Variants in WNK1 observed in about 807,000 individuals in gnomAD.
The protein encoded by WNK1 is serine/threonine-protein kinase WNK1.
WNK1 carries 38 observed loss-of-function variants against 222.8 expected under a neutral mutation model. The ratio of observed to expected loss-of-function variants is 0.17; its 90% CI spans 0.13 to 0.22. The LOEUF is 0.22. Among genes scored for constraint, WNK1 ranks in the 10% least tolerant of loss-of-function variants. The pLI is 1.00. For synonymous variants in WNK1, 1,090 were observed against 1,092.9 expected (o/e 1.00, Z 0.05); for missense variants, 2,348 against 2,918.4 (o/e 0.80, Z 4.50).
chr12:879,744 C>T lies in WNK1; in HGVS notation c.2545C>T (p.Pro849Ser), dbSNP rs540294135. 6.2e-6 allele frequency: 10 copies of T among 1,614,058 alleles called. No individual in the cohort carries two copies. The highest frequency in any genetic ancestry group is 1.6e-4 in the Middle Eastern group (1 of 6,062). Residue 849 changes from proline to serine, a missense_variant, in exon 11 of 28, where the codon CCT becomes TCT. Coordinates refer to ENST00000315939, the MANE Select transcript of WNK1 (RefSeq NM_018979.4). ...YPVSQIPIST[P>S]HVSTAQTGFS... is the part of the protein sequence containing the mutation. ...TGTCTCTCAGATTCCCATATCAACT[C>T]CTCATGTGTCTACGGCTCAGACAGG...
chr12:909,147 G>A lies in WNK1; in HGVS notation c.*355G>A. On this transcript the variant is annotated 3_prime_UTR_variant, in exon 28 of 28. Coordinates refer to ENST00000315939, the MANE Select transcript of WNK1 (RefSeq NM_018979.4). Reference sequence around the variant, plus strand: ...TCAAACCCATCTGTAATTTCGAGTGGGTGGAGCTCTTGCTTTTGGTACATG... The same window carrying A: ...TCAAACCCATCTGTAATTTCGAGTGAGTGGAGCTCTTGCTTTTGGTACATG... 3.6e-6 allele frequency: 1 copy of A among 280,616 alleles called. No homozygotes were observed. The highest frequency in any genetic ancestry group is 8.8e-5 in the East Asian group (1 of 11,324). 17.4% of individuals were successfully genotyped at this position (280,616 alleles called of 1,614,324 possible). A position where few individuals can be genotyped will look rare whatever the true frequency, so the allele number is the denominator to read the frequency against.
At chr12:772,461 A>G (rs1400297393) in intron 1 of WNK1, among the ~76,000 whole-genome samples, 1 of 151,336 alleles carries the variant, frequency 6.6e-6, no homozygotes, top group Non-Finnish European at 1.5e-5. Flanking sequence ...GGGTGTGTGT[A>G]TGTGTATGTA....
Position 804,536 on chromosome 12 carries a change from C to T in WNK1, c.760-9106C>T, listed in dbSNP as rs549438038. 3.6e-4 allele frequency among the ~76,000 whole-genome samples: 54 copies of T among 152,094 alleles called. 1 individual carries two copies. In the South Asian group the frequency reaches 0.011, roughly 30 times the overall value. On this transcript the variant is annotated intron_variant, in intron 1 of 27. Coordinates refer to ENST00000315939, the MANE Select transcript of WNK1 (RefSeq NM_018979.4). ...TACAGGCTCCCGCTGCCACGCCCAG[C>T]TAATTTTTGTATTTTTAGTAGAGGT...
Position 884,767 on chromosome 12 carries a change from A to G in WNK1, c.3963A>G (p.Thr1321=). 1 of 1,614,180 alleles carries G rather than the reference A, an allele frequency of 6.2e-7. No individual in the cohort carries two copies. Among genetic ancestry groups the G allele is most frequent in the Non-Finnish European group, 8.5e-7 (1 of 1,180,014 alleles). ...CCCAAATGACAGAAGGACCCAACACAGCACCTCCAAACTTTAGTCATACAG... is the reference window on the plus strand; with the variant it reads ...CCCAAATGACAGAAGGACCCAACACGGCACCTCCAAACTTTAGTCATACAG... ...RRAQMTEGPN[T]APPNFSHTGP... The change falls in exon 19 of 28, where the codon ACA becomes ACG. Residue 1321 remains threonine (T), a synonymous_variant. Transcript: ENST00000315939. The surrounding 1 kb of genome is among the most constrained non-coding windows in gnomAD (Gnocchi z 5.6).
At position 883,799 on chromosome 12, in the gene WNK1, C is replaced by A. The variant is rs1283709669; in HGVS notation, c.3689C>A (p.Pro1230Gln). Residue 1230 changes from proline (P) to glutamine (Q), a missense_variant, in exon 17 of 28, where the codon CCA becomes CAA. Pro to Gln is a moderately conservative substitution (Grantham distance 76). Transcript: ENST00000315939. ...SQKLEGEFKQPIPASSMPQQI... is the reference protein window; with the variant it reads ...SQKLEGEFKQQIPASSMPQQI... ...AAATTGGAAGGAGAGTTCAAACAACCAATTCCTGCGTCTTCCATGCCACAG... is the reference window on the plus strand; with the variant it reads ...AAATTGGAAGGAGAGTTCAAACAACAAATTCCTGCGTCTTCCATGCCACAG... 1 of 1,614,064 alleles carries A rather than the reference C, an allele frequency of 6.2e-7. No individual in the cohort carries two copies. Among genetic ancestry groups the A allele is most frequent in the South Asian group, 1.1e-5 (1 of 91,080 alleles).
At chr12:867,783 A>G (rs756069400) in intron 8 of WNK1, 12 of 1,461,646 alleles carry the variant, frequency 8.2e-6, no homozygotes, top group Middle Eastern at 1.7e-4. Flanking sequence ...TCATAGGGTT[A>G]CACAGAACTA....
chr12:908,546 C>T lies in WNK1; in HGVS notation c.6903C>T (p.Gly2301=). 2 of 1,614,190 alleles carry T rather than the reference C, an allele frequency of 1.2e-6. No homozygotes were observed. The highest frequency in any genetic ancestry group is 8.5e-7 in the Non-Finnish European group (1 of 1,180,034). The part of the protein sequence containing the change: ...LCISMTSNLG[G]SAPISAASAT... ...TCTCCATGACCTCGAACCTGGGTGG[C>T]TCTGCCCCCATCTCTGCAGCATCAG... The change falls in exon 28 of 28, where the codon GGC becomes GGT. Residue 2301 remains glycine, a synonymous_variant. Coordinates refer to ENST00000315939, the MANE Select transcript of WNK1 (RefSeq NM_018979.4).
intron 1 of WNK1, among the ~76,000 whole-genome samples, chr12:765,091 A>G (rs1250982891): frequency 6.8e-6 from 1 of 148,094 alleles, no homozygotes; most frequent in East Asian, 1.9e-4. Context: ...CAGTCTTCCA[A>G]AGTGCTGGGA....
chr12:789,568 G>A (rs973782547), intron 1 of WNK1, among the ~76,000 whole-genome samples: 6 of 128,326 alleles, frequency 4.7e-5, no homozygotes, highest in Middle Eastern at 5.4e-3. Context: ...ACAGAGTCTC[G>A]CTCTGTCACT....
intron 1 of WNK1, among the ~76,000 whole-genome samples, chr12:757,463 G>A: frequency 6.6e-6 from 1 of 151,644 alleles, no homozygotes; most frequent in East Asian, 1.9e-4. Flanking sequence ...GTAGCTGGGA[G>A]TACAGGCGCA....
At chr12:870,176 T>C (rs1249094371) in intron 8 of WNK1, among the ~76,000 whole-genome samples, 2 of 152,188 alleles carry the variant, frequency 1.3e-5, no homozygotes, top group Non-Finnish European at 2.9e-5. Context: ...ACTCCCAAAA[T>C]GTGCACAAAT....
In WNK1 at chr12:861,188, C is replaced by T. The variant is rs759314944; in HGVS notation, c.1796C>T (p.Ser599Phe). ...LKQQVEQSSA[S>F]QTGIKQLPSA... Reference sequence around the variant, plus strand: ...CAGCAGGTAGAACAATCCAGTGCTTCCCAGACAGGAATCAAGCAGCTCCCT... The same window carrying T: ...CAGCAGGTAGAACAATCCAGTGCTTTCCAGACAGGAATCAAGCAGCTCCCT... Residue 599 changes from serine (S) to phenylalanine (F), a missense_variant, in exon 7 of 28, where the codon TCC (serine) becomes TTC (phenylalanine). This residue lies in a region of WNK1 where 103 missense variants were observed against 111.5 expected (regional missense o/e 0.92). Transcript: ENST00000315939. 4.3e-6 allele frequency: 7 copies of T among 1,613,864 alleles called. No individual in the cohort carries two copies. The highest frequency in any genetic ancestry group is 4.0e-5 in the African/African-American group (3 of 74,858).
At position 909,775 on chromosome 12, in the gene WNK1, C is replaced by T. The variant is rs777370872; in HGVS notation, c.*983C>T. 1.3e-5 allele frequency: 2 copies of T among 152,202 alleles called. No homozygotes were observed. The highest frequency in any genetic ancestry group is 2.4e-5 in the African/African-American group (1 of 41,440). 9.4% of individuals were successfully genotyped at this position (152,202 alleles called of 1,614,324 possible). Reference sequence around the variant, plus strand: ...CAATAAAGGGCATGTGGAAGGAAATCGTAGGTCCATGTGACCCCAGCAGTC... The same window carrying T: ...CAATAAAGGGCATGTGGAAGGAAATTGTAGGTCCATGTGACCCCAGCAGTC... On this transcript the variant is annotated 3_prime_UTR_variant, in exon 28 of 28. Transcript: ENST00000315939.
chr12:753,619 C>T lies in WNK1; in HGVS notation c.54C>T (p.Leu18=). The change falls in exon 1 of 28, where the codon CTC becomes CTT. Residue 18 remains leucine, a synonymous_variant. Coordinates refer to ENST00000315939, the MANE Select transcript of WNK1 (RefSeq NM_018979.4). The surrounding 1 kb of genome is among the most constrained non-coding windows in gnomAD (Gnocchi z 5.2). ...GCAGCACTCCCGGTTCCCTGTTCCTCTCGCCGCCGGCTCCTGCCCCCAAGA... is the reference window on the plus strand; with the variant it reads ...GCAGCACTCCCGGTTCCCTGTTCCTTTCGCCGCCGGCTCCTGCCCCCAAGA... ...KQSSTPGSLF[L]SPPAPAPKNG... 3.1e-6 allele frequency: 5 copies of T among 1,612,794 alleles called. No individual in the cohort carries two copies. Among genetic ancestry groups the T allele is most frequent in the Non-Finnish European group, 4.2e-6 (5 of 1,179,914 alleles).
intron 1 of WNK1, among the ~76,000 whole-genome samples, chr12:769,055 G>A (rs1306189593): frequency 3.3e-5 from 5 of 151,860 alleles, no homozygotes; most frequent in Admixed American, 1.3e-4. Context: ...TGATCCACCC[G>A]CCTCAGCCTC....
rs2154094529 is a variant in WNK1 at position 896,137 on chromosome 12, C to G, written c.5650C>G (p.His1884Asp). Residue 1884 changes from histidine (H) to aspartate (D), a missense_variant, in exon 24 of 28, where the codon CAT becomes GAT. Physicochemically the swap from His to Asp is moderately conservative, Grantham distance 81. Transcript: ENST00000315939. The part of the protein sequence containing the change: ...KNKSEDAKSV[H>D]FESSTSESSV... ...TAAGTCAGAAGATGCAAAGTCTGTT[C>G]ATTTTGAATCCAGCACCTCAGAGTC... The G allele has an allele frequency of 6.2e-7, 1 of 1,614,196 alleles. No homozygotes were observed. The highest frequency in any genetic ancestry group is 1.1e-5 in the South Asian group (1 of 91,078).
At chr12:829,728 T>G (rs1948648852) in intron 3 of WNK1, among the ~76,000 whole-genome samples, 1 of 152,236 alleles carries the variant, frequency 6.6e-6, no homozygotes, top group Non-Finnish European at 1.5e-5. Context: ...TTTGGCATAT[T>G]GTATAAAGAA....
chr12:884,179 G>A lies in WNK1; in HGVS notation c.3780G>A (p.Val1260=). ...ATTCTGCGGGAAGGCGGTTTATAGT[G>A]AGTCCTGTGCCAGAAAGCCGATTAC... ...VVHSAGRRFI[V]SPVPESRLRE... The change falls in exon 18 of 28, where the codon GTG becomes GTA. Residue 1260 remains valine (V), a synonymous_variant. Coordinates refer to ENST00000315939, the MANE Select transcript of WNK1 (RefSeq NM_018979.4). This position sits in a 1 kb window ranked among gnomAD's most constrained non-coding sequence, Gnocchi z 5.6. 6.2e-7 allele frequency: 1 copy of A among 1,614,186 alleles called. No individual in the cohort carries two copies. The highest frequency in any genetic ancestry group is 8.5e-7 in the Non-Finnish European group (1 of 1,180,028).
At position 890,523 on chromosome 12, in the gene WNK1, A is replaced by G. The variant is rs1954120601; in HGVS notation, c.5509+10A>G. The G allele has an allele frequency of 1.2e-6, 2 of 1,613,970 alleles. No individual in the cohort carries two copies. Among genetic ancestry groups the G allele is most frequent in the African/African-American group, 2.7e-5 (2 of 74,928 alleles). On this transcript the variant is annotated intron_variant, in intron 22 of 27. Coordinates refer to ENST00000315939, the MANE Select transcript of WNK1 (RefSeq NM_018979.4). ...CAGCCTCAGAAGGGTGGTGAGAAAC[A>G]TCCTTCCTCCTTTTATATTACTAAT...
Sources: allele counts gnomAD v4.1 joint callset (sites outside exome capture counted in the v4.1 genomes callset), GRCh38; gene constraint gnomAD v4.1.1; regional missense constraint gnomAD v4.1.1; non-coding constraint Gnocchi (gnomAD v3.1); transcripts MANE v1.5; gene names NCBI Gene and HGNC (gene_info 2026-07-23, HGNC 2026-07-21).